RAD51B: variants seen among roughly 807,000 people sequenced by gnomAD.
RAD51B encodes the protein DNA repair protein RAD51 homolog 2.
A neutral mutation model predicts 42.2 loss-of-function variants in RAD51B; 38 were observed. The ratio of observed to expected loss-of-function variants is 0.90; its 90% CI spans 0.70 to 1.18. RAD51B has a LOEUF of 1.18. Among genes scored for constraint, RAD51B ranks in the 50% most tolerant of loss-of-function variants. The probability of loss-of-function intolerance (pLI) is 0.00; values close to 1 mark genes in which losing one functional copy is unlikely to be tolerated. For missense variants in RAD51B, 373 were observed against 400.7 expected (o/e 0.93, Z 0.59); for synonymous variants, 154 against 145.2 (o/e 1.06, Z -0.43).
chr14:68,087,175 C>A (rs1238701693), intron 7 of RAD51B, among the ~76,000 whole-genome samples: 1 of 151,786 alleles, frequency 6.6e-6, no homozygotes, highest in African/African-American at 2.4e-5. Flanking sequence ...CTGTGACAGC[C>A]CATACTATTT....
chr14:68,269,361 T>G (rs60324261), intron 7 of RAD51B, among the ~76,000 whole-genome samples: 11,011 of 152,268 alleles, frequency 0.072, 1,341 homozygotes, highest in African/African-American at 0.25. Flanking sequence ...CCCTGCCCAC[T>G]GCTCTGACCA....
chr14:68,495,358 C>T (rs1052085620), intron 10 of RAD51B, among the ~76,000 whole-genome samples: 1 of 152,080 alleles, frequency 6.6e-6, no homozygotes, highest in Non-Finnish European at 1.5e-5. Flanking sequence ...TTCCTCCGAG[C>T]CCCTTTGCTT....
intron 4 of RAD51B, among the ~76,000 whole-genome samples, chr14:67,836,484 C>T (rs2041245967): frequency 7.0e-6 from 1 of 143,820 alleles, no homozygotes; most frequent in Non-Finnish European, 1.5e-5. Context: ...GGGAAATTAG[C>T]CTCTTTTTTT....
chr14:68,453,715 T>A (rs180870893), intron 9 of RAD51B, among the ~76,000 whole-genome samples: 46 of 152,310 alleles, frequency 3.0e-4, no homozygotes, highest in Admixed American at 2.2e-3. Context: ...AACAAGAGAT[T>A]TTTATAAATA....
chr14:67,855,519 C>T (rs2041963290), intron 4 of RAD51B, among the ~76,000 whole-genome samples: 2 of 152,038 alleles, frequency 1.3e-5, no homozygotes, highest in South Asian at 4.2e-4. Flanking sequence ...GGATTATAGG[C>T]TTGAGCCACC....
chr14:68,468,181 G>A lies in RAD51B; in HGVS notation c.967G>A (p.Ala323Thr). Residue 323 changes from alanine to threonine, a missense_variant, in exon 10 of 11, where the codon GCC becomes ACC. Physicochemically the swap from Ala to Thr is moderately conservative, Grantham distance 58 (BLOSUM62 0). Coordinates refer to ENST00000471583, the MANE Select transcript of RAD51B (RefSeq NM_133510.4). ...LDSERRQILI[A>T]KSPLAPFTSF... Reference sequence around the variant, plus strand: ...TGTGCTTTATGTGCAGATTCTTATTGCCAAGTCCCCTCTGGCTCCCTTCAC... The same window carrying A: ...TGTGCTTTATGTGCAGATTCTTATTACCAAGTCCCCTCTGGCTCCCTTCAC... 6.2e-7 allele frequency: 1 copy of A among 1,613,778 alleles called. No individual in the cohort carries two copies. Among genetic ancestry groups the A allele is most frequent in the Non-Finnish European group, 8.5e-7 (1 of 1,179,800 alleles).
intron 7 of RAD51B, among the ~76,000 whole-genome samples, chr14:68,006,757 G>A (rs989063260): frequency 1.3e-5 from 2 of 152,126 alleles, no homozygotes; most frequent in Non-Finnish European, 2.9e-5. Flanking sequence ...AAGCAAAGCT[G>A]AAATTAGGAT....
chr14:68,573,316 C>T (rs1889804091), intron 10 of RAD51B, among the ~76,000 whole-genome samples: 4 of 152,256 alleles, frequency 2.6e-5, no homozygotes, highest in Admixed American at 1.3e-4. Flanking sequence ...CTCCTCCACT[C>T]GGCTGCACTG....
At chr14:68,161,187 A>G (rs951587185) in intron 7 of RAD51B, among the ~76,000 whole-genome samples, 2 of 152,212 alleles carry the variant, frequency 1.3e-5, no homozygotes, top group Non-Finnish European at 2.9e-5. Context: ...TTAAAAGAGA[A>G]TTCACTAGCT....
chr14:68,118,989 C>T (rs1346352642), intron 7 of RAD51B, among the ~76,000 whole-genome samples: 2 of 151,962 alleles, frequency 1.3e-5, no homozygotes. Flanking sequence ...CAAAGTCTCA[C>T]TCTGTCACCC....
intron 10 of RAD51B, among the ~76,000 whole-genome samples, chr14:68,586,979 A>C (rs2140069982): frequency 6.6e-6 from 1 of 152,026 alleles, no homozygotes; most frequent in East Asian, 1.9e-4. Context: ...CAGTGAGCCG[A>C]GATCGCGCCA....
intron 10 of RAD51B, chr14:68,562,181 AT>A: frequency 2.0e-6 from 2 of 985,194 alleles, no homozygotes; most frequent in Non-Finnish European, 2.4e-6. Flanking sequence ...AACGCATCAA[AT>A]TTTCTCTCCA....
rs199749839 is a variant in RAD51B, at chr14:67,964,631, T to C, written c.756+77427T>C. ...GAGGTTTTTTCTTTTTCTTTTTTTT[T>C]CCCCCATATTGTTAAAATGGCTCTG... On this transcript the variant is annotated intron_variant, in intron 7 of 10. Transcript: ENST00000471583. Among the ~76,000 whole-genome samples, 62 of 152,306 alleles carry C rather than the reference T, an allele frequency of 4.1e-4. 1 individual carries two copies. Among genetic ancestry groups the C allele is most frequent in the East Asian group, 1.9e-3 (10 of 5,190 alleles).
chr14:68,452,284 C>T (rs572740409), intron 9 of RAD51B, among the ~76,000 whole-genome samples: 17 of 152,094 alleles, frequency 1.1e-4, no homozygotes, highest in African/African-American at 2.9e-4. Flanking sequence ...CTTTAATTGG[C>T]GCTAGATTGA....
At chr14:68,215,809 A>G (rs2079802974) in intron 7 of RAD51B, among the ~76,000 whole-genome samples, 1 of 152,206 alleles carries the variant, frequency 6.6e-6, no homozygotes, top group African/African-American at 2.4e-5. Flanking sequence ...TTTTCAATAC[A>G]AAAAGAGGAA....
chr14:68,465,158 A>G (rs1480625787), intron 9 of RAD51B, among the ~76,000 whole-genome samples: 1 of 152,216 alleles, frequency 6.6e-6, no homozygotes, highest in African/African-American at 2.4e-5. Context: ...ATTTATTGCT[A>G]TTTACACCCT....
chr14:68,073,683 C>CCCTTAAAGATGCAAGGACT (rs1419709535), intron 7 of RAD51B, among the ~76,000 whole-genome samples: 4 of 152,048 alleles, frequency 2.6e-5, no homozygotes, highest in Admixed American at 6.6e-5. Flanking sequence ...CTGTAGTACT[C>CCCTTAAAGATGCAAGGACT]CCTTAAAGAT....
chr14:68,640,217 G>GC (rs67174950), intron 10 of RAD51B, among the ~76,000 whole-genome samples: 23,538 of 152,164 alleles, frequency 0.15, 2,325 homozygotes, highest in South Asian at 0.23. Context: ...ACCCAAAGTG[G>GC]CCCCAGAAGG....
chr14:68,534,752 C>T (rs1248539259), intron 10 of RAD51B, among the ~76,000 whole-genome samples: 1 of 152,058 alleles, frequency 6.6e-6, no homozygotes, highest in East Asian at 1.9e-4. Context: ...GCTCCCACCC[C>T]CCCTAGATTG....
Sources: gnomAD v4.1 joint callset for allele counts (sites outside exome capture counted in the v4.1 genomes callset) on GRCh38, gnomAD v4.1.1 for gene constraint, MANE v1.5 for transcripts, NCBI Gene and HGNC (gene_info 2026-07-23, HGNC 2026-07-21) for gene names.